Variants in ARID4B observed in about 807,000 individuals in gnomAD.
ARID4B encodes AT-rich interactive domain-containing protein 4B.
In ARID4B, 26 loss-of-function variants were observed where a neutral mutation model predicts 147.5. That is an observed-to-expected ratio of 0.18 (90% confidence interval 0.13 to 0.24). ARID4B has a LOEUF of 0.24. Ranked by LOEUF, ARID4B falls within the 10% of genes least tolerant of loss-of-function variation. The pLI, the probability that ARID4B is intolerant of heterozygous loss-of-function variation, is 1.00. For synonymous variants in ARID4B, 512 were observed against 507.9 expected (o/e 1.01, Z -0.11); for missense variants, 1,179 against 1,511.5 (o/e 0.78, Z 3.65).
At chr1:235,306,082 C>T (rs1224447612) in intron 2 of ARID4B, among the ~76,000 whole-genome samples, 2 of 152,044 alleles carry the variant, frequency 1.3e-5, no homozygotes, top group Non-Finnish European at 2.9e-5. Flanking sequence ...GCATAAAGAA[C>T]ATGATGACCA....
At chr1:235,237,668 C>A (rs943341406) in intron 8 of ARID4B, among the ~76,000 whole-genome samples, 3 of 152,056 alleles carry the variant, frequency 2.0e-5, no homozygotes, top group African/African-American at 7.2e-5. Context: ...TAGTTTAGCA[C>A]AAAAACCACA....
At chr1:235,322,034 T>A (rs535671756) in intron 2 of ARID4B, among the ~76,000 whole-genome samples, 1,915 of 150,736 alleles carry the variant, frequency 0.013, 23 homozygotes, top group Admixed American at 0.034. Flanking sequence ...AAGAAAAAAT[T>A]TTTTTTTTTT....
intron 3 of ARID4B, among the ~76,000 whole-genome samples, chr1:235,258,162 C>T (rs1475024417): frequency 3.3e-5 from 5 of 152,074 alleles, no homozygotes; most frequent in Non-Finnish European, 5.9e-5. Context: ...GAAGCCCCAT[C>T]TCTATTAAAA....
At chr1:235,190,857 G>C (rs866241021) in intron 19 of ARID4B, among the ~76,000 whole-genome samples, 6 of 152,254 alleles carry the variant, frequency 3.9e-5, no homozygotes, top group Middle Eastern at 3.4e-3. Flanking sequence ...TAGGAAAATA[G>C]CTGTGCAACA....
intron 2 of ARID4B, among the ~76,000 whole-genome samples, chr1:235,300,085 T>C (rs1673012327): frequency 6.6e-6 from 1 of 152,110 alleles, no homozygotes; most frequent in South Asian, 2.1e-4. Context: ...GCTTTTTCAT[T>C]CTATCCAGCA....
intron 17 of ARID4B, among the ~76,000 whole-genome samples, chr1:235,203,886 T>G (rs531800923): frequency 1.3e-5 from 2 of 152,198 alleles, no homozygotes; most frequent in Non-Finnish European, 2.9e-5. Flanking sequence ...TTACCTACTT[T>G]ATGAATTTTA....
At chr1:235,274,993 T>TTGTGTG (rs72168611) in intron 2 of ARID4B, among the ~76,000 whole-genome samples, 3,127 of 148,492 alleles carry the variant, frequency 0.021, 134 homozygotes, top group African/African-American at 0.073. Context: ...AGGCCTAATT[T>TTGTGTG]TGTGTGTGTG....
In ARID4B at chr1:235,252,747, G is replaced by T; in HGVS notation, c.337C>A (p.His113Asn). 6.2e-7 allele frequency: 1 copy of T among 1,610,976 alleles called. No individual in the cohort carries two copies. The highest frequency in any genetic ancestry group is 8.5e-7 in the Non-Finnish European group (1 of 1,178,400). ...RSSLCLKGERHFAESETLDQL... is the reference protein window; with the variant it reads ...RSSLCLKGERNFAESETLDQL... ...TGACTTACTTCACTTTCAGCAAAAT[G>T]CCTCTCTCCTTTCAGGCACAGTGAA... is the stretch of plus-strand genomic sequence containing the variant. Residue 113 changes from histidine to asparagine, a missense_variant, in exon 6 of 24, where the codon CAT (histidine) becomes AAT (asparagine). Physicochemically the swap from His to Asn is moderately conservative, Grantham distance 68. Coordinates refer to ENST00000264183, the MANE Select transcript of ARID4B (RefSeq NM_016374.6).
chr1:235,222,827 C>T lies in ARID4B; in HGVS notation c.1065+339G>A, dbSNP rs1341710705. ...CCTGCCATGTAGCTGGGATTACAAGCGTGCGTCACCACGTCTGGCTGATTT... is the reference window on the plus strand; with the variant it reads ...CCTGCCATGTAGCTGGGATTACAAGTGTGCGTCACCACGTCTGGCTGATTT... On this transcript the variant is annotated intron_variant, in intron 13 of 23. Transcript: ENST00000264183. Among the ~76,000 whole-genome samples the T allele has an allele frequency of 2.6e-5, 4 of 151,928 alleles. No homozygotes were observed. The East Asian group carries it at 5.8e-4, about 22-fold the overall frequency.
intron 2 of ARID4B, among the ~76,000 whole-genome samples, chr1:235,285,673 T>G (rs1410465314): frequency 6.6e-6 from 1 of 152,208 alleles, no homozygotes; most frequent in Non-Finnish European, 1.5e-5. Context: ...ACTGACAACA[T>G]GATCCGCTAC....
In ARID4B at chr1:235,175,384, C is replaced by T. The variant is rs1663789357; in HGVS notation, c.3464G>A (p.Ser1155Asn). Residue 1155 changes from serine (S) to asparagine (N), a missense_variant, in exon 22 of 24, where the codon AGT (serine) becomes AAT (asparagine). Physicochemically the swap from Ser to Asn is conservative, Grantham distance 46 (BLOSUM62 1). Coordinates refer to ENST00000264183, the MANE Select transcript of ARID4B (RefSeq NM_016374.6). ...KKGKGTNSSD[S>N]EELSAGESIT... is the part of the protein sequence containing the mutation. Reference sequence around the variant, plus strand: ...ACTTTCACCAGCTGAAAGTTCTTCACTATCACTACTATTTGCTGAAAGAGA... The same window carrying T: ...ACTTTCACCAGCTGAAAGTTCTTCATTATCACTACTATTTGCTGAAAGAGA... The T allele has an allele frequency of 6.2e-7, 1 of 1,611,672 alleles. No homozygotes were observed. The highest frequency in any genetic ancestry group is 8.5e-7 in the Non-Finnish European group (1 of 1,178,088).
chr1:235,255,269 A>ATCTCTC (rs58782902), intron 5 of ARID4B, among the ~76,000 whole-genome samples: 114 of 131,704 alleles, frequency 8.7e-4, no homozygotes, highest in African/African-American at 2.2e-3. Context: ...ATAGATATAT[A>ATCTCTC]TCTCTCTCTC....
chr1:235,299,930 A>C (rs1013879363), intron 2 of ARID4B, among the ~76,000 whole-genome samples: 6 of 152,210 alleles, frequency 3.9e-5, no homozygotes, highest in African/African-American at 1.2e-4. Context: ...TTATTGTCAC[A>C]GAAGTAATTT....
At chr1:235,234,911 G>C (rs899122248) in intron 8 of ARID4B, among the ~76,000 whole-genome samples, 1 of 152,174 alleles carries the variant, frequency 6.6e-6, no homozygotes, top group Non-Finnish European at 1.5e-5. Context: ...CATCTTTGTT[G>C]AAAGAATCTG....
intron 13 of ARID4B, among the ~76,000 whole-genome samples, chr1:235,221,884 CTATTT>C (rs1558217298): frequency 5.6e-4 from 44 of 78,520 alleles, no homozygotes; most frequent in Admixed American, 8.8e-4. Context: ...AGTCATTTGA[CTATTT>C]TTTTTTTTTT....
intron 2 of ARID4B, among the ~76,000 whole-genome samples, chr1:235,283,980 G>A (rs892410772): frequency 6.6e-5 from 10 of 151,886 alleles, no homozygotes; most frequent in Non-Finnish European, 1.3e-4. Context: ...CAAGTGATCC[G>A]CCTGCCTCGG....
chr1:235,286,027 T>G (rs978115197), intron 2 of ARID4B, among the ~76,000 whole-genome samples: 1 of 145,724 alleles, frequency 6.9e-6, no homozygotes, highest in Non-Finnish European at 1.5e-5. Flanking sequence ...CATTCACACA[T>G]TTGTTTCTGG....
intron 2 of ARID4B, among the ~76,000 whole-genome samples, chr1:235,322,928 A>T (rs1021847252): frequency 1.3e-5 from 2 of 152,214 alleles, no homozygotes; most frequent in Non-Finnish European, 2.9e-5. Flanking sequence ...GCATTAAAAA[A>T]GGGAATTTGT....
chr1:235,255,193 A>G (rs1172689703), intron 5 of ARID4B, among the ~76,000 whole-genome samples: 1 of 146,116 alleles, frequency 6.8e-6, no homozygotes, highest in Admixed American at 6.9e-5. Context: ...TATAAAATAC[A>G]CTACTACTTT....
Sources: allele counts gnomAD v4.1 joint callset (sites outside exome capture counted in the v4.1 genomes callset), GRCh38; gene constraint gnomAD v4.1.1; transcripts MANE v1.5; gene names NCBI Gene and HGNC (gene_info 2026-07-23, HGNC 2026-07-21).